Variants in PTPRS observed in about 807,000 individuals in gnomAD.
PTPRS encodes the protein receptor-type tyrosine-protein phosphatase S.
PTPRS carries 63 observed loss-of-function variants against 215.3 expected under a neutral mutation model. The ratio of observed to expected loss-of-function variants is 0.29; its 90% confidence interval spans 0.24 to 0.36. PTPRS has a LOEUF of 0.36. Ranked by LOEUF, PTPRS falls within the 10% of genes least tolerant of loss-of-function variation. The pLI, the probability that PTPRS is intolerant of heterozygous loss-of-function variation, is 1.00. For synonymous variants in PTPRS, 1,404 were observed against 1,191.4 expected, an observed-to-expected ratio of 1.18 and a Z score of -3.68; for missense variants, 2,258 against 2,825.8, an observed-to-expected ratio of 0.80 and a Z score of 4.56.
rs955197014 is a variant in PTPRS at position 5,316,416 on chromosome 19, G to A, written c.-95+24248C>T. On this transcript the variant is annotated intron_variant, in intron 1 of 37. Coordinates refer to ENST00000262963, the MANE Select transcript of PTPRS (RefSeq NM_002850.4). ...CTTTCTTTCTTTTTTCTTTTGAGAC[G>A]GAGTCTCGCTCTGTCACCGAGGCTG... 2.0e-5 allele frequency among the ~76,000 whole-genome samples: 3 copies of A among 151,602 alleles called. No homozygotes were observed. In the East Asian group the frequency reaches 5.8e-4, roughly 29 times the overall value.
At chr19:5,228,710 G>T (rs748606855) in intron 16 of PTPRS, among the ~76,000 whole-genome samples, 2 of 152,160 alleles carry the variant, frequency 1.3e-5, no homozygotes, top group Non-Finnish European at 2.9e-5. Context: ...CCCGTTTTAG[G>T]GGCAGAGAGG....
At chr19:5,271,677 C>T (rs548595792) in intron 4 of PTPRS, among the ~76,000 whole-genome samples, 59 of 150,806 alleles carry the variant, frequency 3.9e-4, no homozygotes, top group African/African-American at 1.4e-3. Context: ...GGATTACCGG[C>T]GTGAGCTACC....
intron 1 of PTPRS, among the ~76,000 whole-genome samples, chr19:5,308,607 G>A (rs2049581583): frequency 6.6e-6 from 1 of 152,158 alleles, no homozygotes; most frequent in South Asian, 2.1e-4. Context: ...ATGCGGCAGA[G>A]GTGGCTGCCA....
rs2048454036 is a variant in PTPRS, at chr19:5,287,656, A to C, written c.-94-1422T>G. On this transcript the variant is annotated intron_variant, in intron 1 of 37. Coordinates refer to ENST00000262963, the MANE Select transcript of PTPRS (RefSeq NM_002850.4). The surrounding 1 kb of genome is among the most constrained non-coding windows in gnomAD (Gnocchi z 4.8). ...CAGCCCCTGTGATTCTGACTCCCAA[A>C]ATACCCAGCTGCGGTCACCTCGCCC... 2.0e-5 allele frequency among the ~76,000 whole-genome samples: 3 copies of C among 152,112 alleles called. No individual in the cohort carries two copies. Among genetic ancestry groups the C allele is most frequent in the Admixed American group, 2.0e-4 (3 of 15,282 alleles).
intron 1 of PTPRS, 76 bp from the exon 2 acceptor site, chr19:5,286,310 G>A: frequency 1.4e-6 from 1 of 693,452 alleles, no homozygotes; most frequent in Non-Finnish European, 2.5e-6. Flanking sequence ...CAGAGGGAGG[G>A]TCACATGGAG....
At chr19:5,221,290 C>G (rs2041954312) in intron 19 of PTPRS, 37 bp from the exon 20 acceptor site, 1 of 1,588,342 alleles carries the variant, frequency 6.3e-7, no homozygotes, top group Non-Finnish European at 8.6e-7. Flanking sequence ...GCCTGGTGGG[C>G]TCATGCCCAT....
chr19:5,325,514 G>A (rs2050145397), intron 1 of PTPRS, among the ~76,000 whole-genome samples: 1 of 152,324 alleles, frequency 6.6e-6, no homozygotes, highest in East Asian at 1.9e-4. Flanking sequence ...CGTCATCGGG[G>A]CCGGCCCCCT....
intron 2 of PTPRS, among the ~76,000 whole-genome samples, chr19:5,279,533 G>A (rs1007452124): frequency 2.0e-5 from 3 of 151,650 alleles, no homozygotes; most frequent in South Asian, 2.1e-4. Flanking sequence ...TACCACATGC[G>A]GCTAATTTTT....
chr19:5,305,914 T>TGGGC (rs2049473992), intron 1 of PTPRS, among the ~76,000 whole-genome samples: 1 of 96,782 alleles, frequency 1.0e-5, no homozygotes, highest in Non-Finnish European at 1.8e-5. Context: ...CACTCCAGCC[T>TGGGC]GGGCGACAGA....
In PTPRS at chr19:5,268,762, C is replaced by G. The variant is rs543482553; in HGVS notation, c.380-3566G>C. 1.4e-4 allele frequency among the ~76,000 whole-genome samples: 22 copies of G among 152,326 alleles called. 2 individuals carry two copies. The South Asian group carries it at 4.6e-3, about 32-fold the overall frequency. On this transcript the variant is annotated intron_variant, in intron 4 of 37. Coordinates refer to ENST00000262963, the MANE Select transcript of PTPRS (RefSeq NM_002850.4). ...ATAGAGGGGGAAACGGAGGCACAGGCAGTCACACACTTGTCCCAGGTCATA... is the reference window on the plus strand; with the variant it reads ...ATAGAGGGGGAAACGGAGGCACAGGGAGTCACACACTTGTCCCAGGTCATA...
intron 1 of PTPRS, among the ~76,000 whole-genome samples, chr19:5,310,549 C>T (rs1414480144): frequency 6.6e-6 from 1 of 152,084 alleles, no homozygotes; most frequent in African/African-American, 2.4e-5. Context: ...AACTCCTGAC[C>T]TCAAGTGATC....
chr19:5,266,299 T>TA (rs1897951272), intron 4 of PTPRS, among the ~76,000 whole-genome samples: 1 of 151,620 alleles, frequency 6.6e-6, no homozygotes, highest in Non-Finnish European at 1.5e-5. Context: ...ATAAATAAAA[T>TA]ATAGAGATAG....
chr19:5,229,846 T>G (rs1454887329), intron 14 of PTPRS, among the ~76,000 whole-genome samples, 162 bp from the exon 15 acceptor site: 1 of 151,916 alleles, frequency 6.6e-6, no homozygotes, highest in Non-Finnish European at 1.5e-5. Flanking sequence ...CATGGCCTCC[T>G]GCACACCCCC....
chr19:5,268,207 T>G (rs527274469), intron 4 of PTPRS, among the ~76,000 whole-genome samples: 5 of 151,662 alleles, frequency 3.3e-5, no homozygotes, highest in Admixed American at 2.0e-4. Flanking sequence ...ATTAATTAAA[T>G]AAAGTTTTAT....
At position 5,213,592 on chromosome 19, in the gene PTPRS, T is replaced by G. The variant is rs76078880; in HGVS notation, c.4614+769A>C. Among the ~76,000 whole-genome samples, 916 of 152,330 alleles carry G rather than the reference T, an allele frequency of 6.0e-3. 7 individuals are homozygous for G. The highest frequency in any genetic ancestry group is 9.2e-3 in the Non-Finnish European group (624 of 68,024). On this transcript the variant is annotated intron_variant, in intron 30 of 37. Coordinates refer to ENST00000262963, the MANE Select transcript of PTPRS (RefSeq NM_002850.4). ...CCAAGGGCAGAACGTTTTGTCTGTT[T>G]AGGTCCCTGTTGTGTGCTTGTGTCC...
intron 6 of PTPRS, 118 bp downstream of exon 6, chr19:5,262,846 C>A: frequency 8.8e-7 from 1 of 1,138,036 alleles, no homozygotes. Context: ...ACATACCAGG[C>A]AGAGTGGGTC....
intron 1 of PTPRS, among the ~76,000 whole-genome samples, chr19:5,308,697 G>A (rs1186996292): frequency 6.6e-6 from 1 of 152,162 alleles, no homozygotes. Flanking sequence ...AGCCTTGGGG[G>A]TAGGGGAACT....
At chr19:5,309,196 G>A (rs919993937) in intron 1 of PTPRS, among the ~76,000 whole-genome samples, 4 of 152,152 alleles carry the variant, frequency 2.6e-5, no homozygotes, top group Non-Finnish European at 5.9e-5. Context: ...GAGTGTGCAG[G>A]CCCCTTAGTG....
chr19:5,276,784 C>T lies in PTPRS; in HGVS notation c.92-2440G>A, dbSNP rs569572104. Among the ~76,000 whole-genome samples, 58 of 152,148 alleles carry T rather than the reference C, an allele frequency of 3.8e-4. 1 individual carries two copies. The highest frequency in any genetic ancestry group is 1.1e-3 in the African/African-American group (47 of 41,520). Reference sequence around the variant, plus strand: ...GTCTCGATCTCCTGACCTCGTGATCCGCCCGCCTCAGTCTCCCAAAGTGCT... The same window carrying T: ...GTCTCGATCTCCTGACCTCGTGATCTGCCCGCCTCAGTCTCCCAAAGTGCT... On this transcript the variant is annotated intron_variant, in intron 2 of 37. Transcript: ENST00000262963.
Sources: allele counts gnomAD v4.1 joint callset (sites outside exome capture counted in the v4.1 genomes callset), GRCh38; gene constraint gnomAD v4.1.1; non-coding constraint Gnocchi (gnomAD v3.1); transcripts MANE v1.5; gene names NCBI Gene and HGNC (gene_info 2026-07-23, HGNC 2026-07-21).